ZFAND3: variants seen among roughly 807,000 people sequenced by gnomAD.
ZFAND3 encodes zinc finger AN1-type containing 3.
Under a neutral mutation model 29.6 loss-of-function variants are expected in ZFAND3, and 10 were observed. The ratio of observed to expected loss-of-function variants is 0.34; its 90% confidence interval spans 0.21 to 0.57. The LOEUF (loss-of-function observed/expected upper bound fraction) is 0.57, where lower values mean the gene tolerates loss of function less well. Ranked by LOEUF, ZFAND3 falls within the 20% of genes least tolerant of loss-of-function variation. The pLI is 0.86. For missense variants in ZFAND3, 230 were observed against 304.5 expected (o/e 0.76, Z 1.82); for synonymous variants, 128 against 112.6 (o/e 1.14, Z -0.87).
intron 2 of ZFAND3, among the ~76,000 whole-genome samples, chr6:37,998,338 A>G (rs756210380): frequency 6.6e-6 from 1 of 152,214 alleles, no homozygotes; most frequent in Non-Finnish European, 1.5e-5. Flanking sequence ...GAATTTTTAG[A>G]GGGATGGAAC....
chr6:37,861,185 A>AG (rs1764483421), intron 1 of ZFAND3, among the ~76,000 whole-genome samples: 1 of 152,182 alleles, frequency 6.6e-6, no homozygotes, highest in Admixed American at 6.5e-5. Flanking sequence ...TGAGCCTGGG[A>AG]GGTGGAGGTT....
At chr6:38,119,805 T>A (rs1051013576) in intron 5 of ZFAND3, among the ~76,000 whole-genome samples, 8 of 152,196 alleles carry the variant, frequency 5.3e-5, no homozygotes, top group Non-Finnish European at 1.0e-4. Flanking sequence ...TTCCCTTTGA[T>A]CTTCAAAAGA....
chr6:37,906,740 G>A (rs1765416020), intron 1 of ZFAND3, among the ~76,000 whole-genome samples: 1 of 149,318 alleles, frequency 6.7e-6, no homozygotes, highest in Non-Finnish European at 1.5e-5. Context: ...CCACCCTAGT[G>A]TATCTTATTG....
At chr6:37,901,379 C>T (rs760312196) in intron 1 of ZFAND3, among the ~76,000 whole-genome samples, 18 of 152,140 alleles carry the variant, frequency 1.2e-4, no homozygotes, top group Admixed American at 4.6e-4. Flanking sequence ...TGGTGGCTCC[C>T]GCTTGTAATC....
At chr6:38,019,223 G>A (rs1302978186) in intron 2 of ZFAND3, among the ~76,000 whole-genome samples, 2 of 152,200 alleles carry the variant, frequency 1.3e-5, no homozygotes, top group African/African-American at 4.8e-5. Flanking sequence ...CTCCCAAAGT[G>A]CTGGGATTAC....
At chr6:37,939,820 T>A (rs1469219089) in intron 2 of ZFAND3, among the ~76,000 whole-genome samples, 3 of 152,014 alleles carry the variant, frequency 2.0e-5, no homozygotes, top group Non-Finnish European at 4.4e-5. Context: ...GGCGGGCGGA[T>A]CACGAGGTCA....
intron 2 of ZFAND3, among the ~76,000 whole-genome samples, chr6:37,985,527 A>ACACACACACAC (rs753070737): frequency 7.1e-6 from 1 of 141,654 alleles, no homozygotes; most frequent in Non-Finnish European, 1.6e-5. Context: ...ACACACACAC[A>ACACACACACAC]CCCCCACACA....
chr6:37,848,029 T>G (rs1007779536), intron 1 of ZFAND3, among the ~76,000 whole-genome samples: 15 of 152,368 alleles, frequency 9.8e-5, no homozygotes, highest in African/African-American at 3.6e-4. Flanking sequence ...TGCCTAATTC[T>G]GCCTTGTGGA....
chr6:37,899,666 G>A (rs191148232), intron 1 of ZFAND3, among the ~76,000 whole-genome samples: 55 of 152,228 alleles, frequency 3.6e-4, no homozygotes, highest in Non-Finnish European at 5.3e-4. Flanking sequence ...AGAGATGCCC[G>A]TTATTATCTT....
chr6:38,077,973 G>T (rs1042545074), intron 3 of ZFAND3, among the ~76,000 whole-genome samples: 1 of 152,102 alleles, frequency 6.6e-6, no homozygotes, highest in Non-Finnish European at 1.5e-5. Flanking sequence ...AAGAATTCTG[G>T]TGCTTCACTT....
chr6:38,120,148 A>T lies in ZFAND3; in HGVS notation c.529+3409A>T, dbSNP rs912372473. ...GATCTATTTGTTTCATTTTCTACTC[A>T]GTAAGCAAATTGATCAGCTCATTGT... On this transcript the variant is annotated intron_variant, in intron 5 of 5. Transcript: ENST00000287218. 7.2e-5 allele frequency among the ~76,000 whole-genome samples: 11 copies of T among 152,120 alleles called. 1 individual carries two copies. Among genetic ancestry groups the T allele is most frequent in the Admixed American group, 3.3e-4 (5 of 15,284 alleles).
At chr6:38,061,561 C>T (rs1764240116) in intron 2 of ZFAND3, 32 bp from the exon 3 acceptor site, 16 of 1,612,746 alleles carry the variant, frequency 9.9e-6, no homozygotes, top group Non-Finnish European at 1.1e-5. Context: ...CTGTGAACTC[C>T]TTAATTAAGC....
intron 1 of ZFAND3, among the ~76,000 whole-genome samples, chr6:37,878,852 C>G (rs1005841952): frequency 6.6e-6 from 1 of 152,132 alleles, no homozygotes; most frequent in African/African-American, 2.4e-5. Flanking sequence ...TATAGGCACC[C>G]AATCTCCGTG....
At chr6:37,962,288 G>A (rs1016534684) in intron 2 of ZFAND3, among the ~76,000 whole-genome samples, 10 of 152,310 alleles carry the variant, frequency 6.6e-5, no homozygotes, top group African/African-American at 2.2e-4. Context: ...AAGACATGCT[G>A]TTTGAAAATA....
intron 1 of ZFAND3, among the ~76,000 whole-genome samples, chr6:37,887,304 G>A (rs1765012747): frequency 6.6e-6 from 1 of 152,056 alleles, no homozygotes; most frequent in Non-Finnish European, 1.5e-5. Context: ...ATTGTTCTTG[G>A]CATATGTAAG....
intron 4 of ZFAND3, among the ~76,000 whole-genome samples, chr6:38,094,959 A>G (rs1057216813): frequency 2.5e-4 from 38 of 152,190 alleles, no homozygotes; most frequent in Non-Finnish European, 1.3e-4. Context: ...CCAGAGCTCA[A>G]CATTTTGTAG....
At chr6:38,146,250 C>A (rs1367980965) in intron 5 of ZFAND3, among the ~76,000 whole-genome samples, 1 of 152,170 alleles carries the variant, frequency 6.6e-6, no homozygotes, top group African/African-American at 2.4e-5. Flanking sequence ...AACCTTCCCC[C>A]CAGATCACAG....
intron 1 of ZFAND3, among the ~76,000 whole-genome samples, chr6:37,893,460 T>A (rs767845113): frequency 6.6e-6 from 1 of 152,248 alleles, no homozygotes; most frequent in Non-Finnish European, 1.5e-5. Flanking sequence ...TATTACTTTT[T>A]AACTGTGTTA....
chr6:37,972,577 C>A (rs1674039134), intron 2 of ZFAND3, among the ~76,000 whole-genome samples: 2 of 152,150 alleles, frequency 1.3e-5, no homozygotes, highest in South Asian at 4.1e-4. Context: ...AAGATTGTCT[C>A]TTGGAGTCTC....
Sources: allele counts gnomAD v4.1 joint callset (sites outside exome capture counted in the v4.1 genomes callset), GRCh38; gene constraint gnomAD v4.1.1; transcripts MANE v1.5; gene names NCBI Gene and HGNC (gene_info 2026-07-23, HGNC 2026-07-21).